PCDH15: variants seen among roughly 807,000 people sequenced by gnomAD.
PCDH15 encodes protocadherin-15.
PCDH15 carries 129 observed loss-of-function variants against 178.5 expected under a neutral mutation model. The ratio of observed to expected loss-of-function variants is 0.72; its 90% CI spans 0.63 to 0.84. The LOEUF (loss-of-function observed/expected upper bound fraction) is 0.84. Among genes scored for constraint, PCDH15 ranks in the 40% least tolerant of loss-of-function variants. The pLI is 0.00. For synonymous variants in PCDH15, 800 were observed against 732.0 expected (o/e 1.09, Z -1.50); for missense variants, 2,230 against 2,099.9 (o/e 1.06, Z -1.21).
intron 1 of PCDH15, among the ~76,000 whole-genome samples, chr10:54,711,033 G>A (rs549240024): frequency 6.6e-6 from 1 of 152,000 alleles, no homozygotes; most frequent in South Asian, 2.1e-4. Flanking sequence ...TGACAGCATG[G>A]CAACACTCTA....
intron 4 of PCDH15, among the ~76,000 whole-genome samples, chr10:54,375,880 A>AATAT (rs35626392): frequency 0.029 from 3,751 of 129,566 alleles, 209 homozygotes; most frequent in African/African-American, 0.11. Context: ...TTTGAAACGG[A>AATAT]ATATATATAT....
chr10:55,192,451 C>T (rs1839969249), intron 1 of PCDH15, among the ~76,000 whole-genome samples: 1 of 151,802 alleles, frequency 6.6e-6, no homozygotes, highest in African/African-American at 2.4e-5. Flanking sequence ...GAAACCGACT[C>T]AGAATGTTTC....
intron 2 of PCDH15, among the ~76,000 whole-genome samples, chr10:55,401,557 A>G (rs982408527): frequency 6.6e-6 from 1 of 150,532 alleles, no homozygotes. Context: ...ACTAACGGAC[A>G]TGACTTACCA....
chr10:54,734,720 T>TA (rs34027598), intron 1 of PCDH15, among the ~76,000 whole-genome samples: 10 of 151,930 alleles, frequency 6.6e-5, no homozygotes, highest in South Asian at 4.2e-4. Flanking sequence ...TATTGAGTGG[T>TA]AAAAAAAGAA....
At chr10:54,386,655 T>C (rs1949969650) in intron 3 of PCDH15, among the ~76,000 whole-genome samples, 1 of 152,072 alleles carries the variant, frequency 6.6e-6, no homozygotes, top group Non-Finnish European at 1.5e-5. Flanking sequence ...TGTAAAGAAC[T>C]TGAATCAATA....
At chr10:55,041,111 T>C (rs968004522) in intron 2 of PCDH15, among the ~76,000 whole-genome samples, 3 of 152,156 alleles carry the variant, frequency 2.0e-5, no homozygotes, top group Non-Finnish European at 2.9e-5. Context: ...TACTTTACTG[T>C]TTAACCCTAA....
At chr10:54,708,360 A>T (rs1260083289) in intron 1 of PCDH15, among the ~76,000 whole-genome samples, 1 of 152,216 alleles carries the variant, frequency 6.6e-6, no homozygotes, top group Non-Finnish European at 1.5e-5. Context: ...CATCAAGTAA[A>T]ATAGACTAAC....
intron 1 of PCDH15, among the ~76,000 whole-genome samples, chr10:55,305,343 C>A (rs1843393504): frequency 1.3e-5 from 2 of 152,198 alleles, no homozygotes; most frequent in African/African-American, 2.4e-5. Context: ...GGATATCACA[C>A]AGAAGCAGAG....
chr10:55,091,432 TA>T (rs1327564007), intron 2 of PCDH15, among the ~76,000 whole-genome samples: 1 of 151,038 alleles, frequency 6.6e-6, no homozygotes, highest in African/African-American at 2.4e-5. Context: ...AATGCACTTT[TA>T]AAAAATGCTA....
chr10:54,332,240 A>AT (rs1939781039), intron 6 of PCDH15, among the ~76,000 whole-genome samples: 3 of 112,236 alleles, frequency 2.7e-5, no homozygotes, highest in African/African-American at 1.0e-4. Flanking sequence ...CATATATATA[A>AT]TATATATATA....
At chr10:55,391,346 G>C (rs1368673422) in intron 2 of PCDH15, among the ~76,000 whole-genome samples, 1 of 151,678 alleles carries the variant, frequency 6.6e-6, no homozygotes, top group East Asian at 1.9e-4. Context: ...TTAGGGACTT[G>C]TTCTGTATTA....
intron 2 of PCDH15, among the ~76,000 whole-genome samples, chr10:55,400,004 C>T (rs2488836): frequency 0.21 from 32,183 of 151,942 alleles, 3,602 homozygotes; most frequent in African/African-American, 0.27. Context: ...GTGATGGAAA[C>T]TCCCAGGTGG....
intron 2 of PCDH15, among the ~76,000 whole-genome samples, chr10:54,958,377 G>C (rs1177785568): frequency 6.6e-6 from 1 of 151,740 alleles, no homozygotes; most frequent in African/African-American, 2.4e-5. Context: ...ACAAACACAA[G>C]CAAACATAAC....
At chr10:54,287,955 G>T (rs903535065) in intron 8 of PCDH15, among the ~76,000 whole-genome samples, 1 of 152,050 alleles carries the variant, frequency 6.6e-6, no homozygotes. Context: ...ATCATTATAG[G>T]CACTTCACAT....
At chr10:55,409,052 G>T (rs1227992566) in intron 2 of PCDH15, among the ~76,000 whole-genome samples, 1 of 151,906 alleles carries the variant, frequency 6.6e-6, no homozygotes, top group Non-Finnish European at 1.5e-5. Flanking sequence ...AGTATCTCAG[G>T]ATTCTGTCCT....
chr10:54,182,019 G>A (rs771770666), intron 13 of PCDH15, among the ~76,000 whole-genome samples: 7 of 150,110 alleles, frequency 4.7e-5, no homozygotes, highest in East Asian at 1.9e-4. Flanking sequence ...GTGCAGTGGC[G>A]CCATCTTGGT....
intron 25 of PCDH15, among the ~76,000 whole-genome samples, chr10:53,931,711 TA>T (rs1015195553): frequency 6.6e-6 from 1 of 152,094 alleles, no homozygotes; most frequent in African/African-American, 2.4e-5. Context: ...TTATAATTTT[TA>T]AAAAAATTGT....
chr10:54,213,910 G>A (rs1269175252), intron 10 of PCDH15, 26 bp downstream of exon 10: 3 of 1,398,916 alleles, frequency 2.1e-6, no homozygotes, highest in African/African-American at 2.8e-5. Context: ...ATAAACACAA[G>A]GAAATAAGAT....
intron 26 of PCDH15, among the ~76,000 whole-genome samples, chr10:53,892,436 A>T (rs2081636941): frequency 6.6e-6 from 1 of 152,186 alleles, no homozygotes; most frequent in African/African-American, 2.4e-5. Flanking sequence ...TTTTAATTAA[A>T]TTACATTCAA....
Sources: gnomAD v4.1 joint callset for allele counts (sites outside exome capture counted in the v4.1 genomes callset) on GRCh38, gnomAD v4.1.1 for gene constraint, MANE v1.5 for transcripts, NCBI Gene and HGNC (gene_info 2026-07-23, HGNC 2026-07-21) for gene names.